CYREN: variants seen among roughly 807,000 people sequenced by gnomAD.
CYREN encodes the protein cell cycle regulator of non-homologous end joining.
Under a neutral mutation model 9.7 loss-of-function variants are expected in CYREN, and 7 were observed. The ratio of observed to expected loss-of-function variants is 0.72; its 90% CI spans 0.41 to 1.36. The LOEUF is 1.36. Among genes scored for constraint, CYREN ranks in the 40% most tolerant of loss-of-function variants. The pLI, the probability that CYREN is intolerant of heterozygous loss-of-function variation, is 0.01. For missense variants in CYREN, 215 were observed against 198.1 expected, an observed-to-expected ratio of 1.09 and a Z score of -0.51; for synonymous variants, 76 against 77.9, an observed-to-expected ratio of 0.98 and a Z score of 0.13.
chr7:135,117,714 G>C lies in CYREN; in HGVS notation n.357-23132C>G, dbSNP rs1482396475. 5.3e-5 allele frequency among the ~76,000 whole-genome samples: 8 copies of C among 152,302 alleles called. No individual in the cohort carries two copies. The East Asian group carries it at 1.3e-3, about 26-fold the overall frequency. On this transcript the variant is annotated intron_variant and non_coding_transcript_variant, in intron 2 of 2. Transcript: ENST00000459937. ...TCATCTGTTAAGAAAGGATTTGCTT[G>C]CTGCTTTCCTACTTTTTAATATTTC...
chr7:135,147,541 T>C (rs1829571177), intron 2 of CYREN, among the ~76,000 whole-genome samples: 1 of 152,160 alleles, frequency 6.6e-6, no homozygotes, highest in South Asian at 2.1e-4. Context: ...GGCTCTTATT[T>C]TGAAATAAAA....
At chr7:135,124,650 A>G (rs1184482089) in intron 2 of CYREN, among the ~76,000 whole-genome samples, 1 of 152,250 alleles carries the variant, frequency 6.6e-6, no homozygotes, top group East Asian at 1.9e-4. Flanking sequence ...AATTGGAAGT[A>G]AAACAGTCCT....
intron 2 of CYREN, among the ~76,000 whole-genome samples, chr7:135,150,764 G>T (rs1829649344): frequency 1.3e-5 from 2 of 152,202 alleles, no homozygotes; most frequent in Non-Finnish European, 2.9e-5. Context: ...GCTGAGGCAG[G>T]TGAATTTCTT....
chr7:135,142,062 C>G (rs1018544746), intron 2 of CYREN, among the ~76,000 whole-genome samples: 1 of 151,976 alleles, frequency 6.6e-6, no homozygotes, highest in African/African-American at 2.4e-5. Flanking sequence ...CTGTTAGGTC[C>G]ATTTGGTCAA....
At chr7:135,148,172 A>G in intron 2 of CYREN, 1 of 431,838 alleles carries the variant, frequency 2.3e-6, no homozygotes, top group Non-Finnish European at 4.5e-6. Flanking sequence ...CTGGAGTCTG[A>G]CATTAGAAAG....
At chr7:135,134,954 T>C in intron 2 of CYREN, 1 of 1,551,138 alleles carries the variant, frequency 6.4e-7, no homozygotes, top group Middle Eastern at 1.7e-4. Context: ...TCAGAATGGG[T>C]CCAGTCTAAG....
chr7:135,166,977 G>A, intron 3 of CYREN, 106 bp from the exon 4 acceptor site: 2 of 1,530,108 alleles, frequency 1.3e-6, no homozygotes, highest in South Asian at 1.3e-5. Flanking sequence ...CAAAGCCAAT[G>A]TGACCAGGCC....
chr7:135,108,764 T>C (rs931651231), intron 2 of CYREN, among the ~76,000 whole-genome samples: 3 of 152,240 alleles, frequency 2.0e-5, no homozygotes, highest in Non-Finnish European at 1.5e-5. Context: ...GGGGAAGTTT[T>C]CATGGACAAT....
chr7:135,108,213 AT>A (rs1825058980), intron 2 of CYREN, among the ~76,000 whole-genome samples: 1 of 152,156 alleles, frequency 6.6e-6, no homozygotes, highest in Non-Finnish European at 1.5e-5. Context: ...GCCCATTTAC[AT>A]TCAAGGTTAG....
chr7:135,122,299 C>A (rs963438781), intron 2 of CYREN, among the ~76,000 whole-genome samples: 6 of 152,164 alleles, frequency 3.9e-5, no homozygotes, highest in Non-Finnish European at 8.8e-5. Context: ...TCAGGCCTGA[C>A]CCTGACCCAT....
intron 2 of CYREN, among the ~76,000 whole-genome samples, chr7:135,119,643 C>T (rs936582025): frequency 2.6e-5 from 4 of 152,022 alleles, no homozygotes; most frequent in Non-Finnish European, 2.9e-5. Flanking sequence ...TTTGGGAGGC[C>T]GAGGTGGGCA....
At chr7:135,098,840 G>A (rs1823325495) in intron 2 of CYREN, among the ~76,000 whole-genome samples, 1 of 152,054 alleles carries the variant, frequency 6.6e-6, no homozygotes. Context: ...TATTTACATT[G>A]ATCTTTTAAA....
intron 2 of CYREN, among the ~76,000 whole-genome samples, chr7:135,139,515 C>T (rs1009078406): frequency 2.6e-5 from 4 of 151,402 alleles, no homozygotes; most frequent in African/African-American, 9.7e-5. Context: ...ATTTTCTCCC[C>T]TTCTATAGGC....
chr7:135,148,114 C>T (rs1482932861), intron 2 of CYREN: 6 of 456,012 alleles, frequency 1.3e-5, no homozygotes, highest in Non-Finnish European at 2.6e-5. Flanking sequence ...CAAGGGGGCA[C>T]CAGCTCAGGA....
chr7:135,140,945 G>A (rs534515320), intron 2 of CYREN, among the ~76,000 whole-genome samples: 15 of 152,182 alleles, frequency 9.9e-5, no homozygotes, highest in East Asian at 9.7e-4. Flanking sequence ...ATGTGCTGCC[G>A]GATTCGGTTT....
intron 2 of CYREN, among the ~76,000 whole-genome samples, chr7:135,103,016 C>A (rs1481906864): frequency 6.6e-6 from 1 of 152,026 alleles, no homozygotes; most frequent in Non-Finnish European, 1.5e-5. Context: ...AATGTACAAC[C>A]AATAAAGGCC....
At chr7:135,132,472 AT>A (rs1199515698) in intron 2 of CYREN, among the ~76,000 whole-genome samples, 16 of 152,200 alleles carry the variant, frequency 1.1e-4, no homozygotes, top group African/African-American at 3.9e-4. Context: ...GTACCCATCC[AT>A]GATAAAAAGT....
chr7:135,152,155 C>G (rs191744098), intron 2 of CYREN, among the ~76,000 whole-genome samples: 2 of 152,224 alleles, frequency 1.3e-5, no homozygotes, highest in Non-Finnish European at 2.9e-5. Flanking sequence ...AGCCATTTTA[C>G]AGATGAAAAA....
intron 2 of CYREN, among the ~76,000 whole-genome samples, chr7:135,132,598 C>A (rs914491699): frequency 1.3e-5 from 2 of 152,160 alleles, no homozygotes; most frequent in South Asian, 2.1e-4. Context: ...ATAATCCCCA[C>A]GTGTCAAGGC....
Sources: gnomAD v4.1 joint callset for allele counts (sites outside exome capture counted in the v4.1 genomes callset) on GRCh38, gnomAD v4.1.1 for gene constraint, MANE v1.5 for transcripts, NCBI Gene and HGNC (gene_info 2026-07-23, HGNC 2026-07-21) for gene names.